SGSM3: variants seen among roughly 807,000 people sequenced by gnomAD.
The protein encoded by SGSM3 is small G protein signaling modulator 3.
A neutral mutation model predicts 100.5 loss-of-function variants in SGSM3; 96 were observed. The observed-to-expected ratio is 0.96, with a 90% CI of 0.81 to 1.13. SGSM3 has a LOEUF of 1.13. Ranked by LOEUF, SGSM3 falls within the 50% of genes most tolerant of loss-of-function variation. The pLI, the probability that SGSM3 is intolerant of heterozygous loss-of-function variation, is 0.00. For missense variants in SGSM3, 1,001 were observed against 1,015.8 expected, an observed-to-expected ratio of 0.99 and a Z score of 0.20; for synonymous variants, 483 against 422.8, an observed-to-expected ratio of 1.14 and a Z score of -1.75.
chr22:40,398,433 C>T lies in SGSM3; in HGVS notation c.-111-2263C>T, dbSNP rs1224473936. On this transcript the variant is annotated intron_variant, in intron 1 of 21. Coordinates refer to ENST00000248929, the MANE Select transcript of SGSM3 (RefSeq NM_015705.6). ...AAAGGGGAGGGACTCCTGAGTGGGC[C>T]TTCCCAGCCCCTTCAGGCCTCCACA... Among the ~76,000 whole-genome samples the T allele has an allele frequency of 2.1e-5, 3 of 141,312 alleles. 1 individual carries two copies. The highest frequency in any genetic ancestry group is 7.8e-5 in the African/African-American group (3 of 38,440). The allele number at this position is 141,312 out of a possible 152,430, so 92.7% of individuals were successfully genotyped here. A position where few individuals can be genotyped will look rare whatever the true frequency, so the allele number is the denominator to read the frequency against.
chr22:40,390,373 TCTC>T (rs1601904958), intron 1 of SGSM3: 2 of 152,200 alleles, frequency 1.3e-5, no homozygotes, highest in Non-Finnish European at 2.9e-5. Context: ...TTCTTCTCAC[TCTC>T]CTTTTTTTAC....
At position 40,406,630 on chromosome 22, in the gene SGSM3, C is replaced by T. The variant is rs1439428575; in HGVS notation, c.1153C>T (p.Leu385=). ...TCTCATTGCAGACCAGGGCCAGCTC[C>T]TGGGGGCCGGCACCCTCACCAACCT... ...AYLIADQGQL[L]GAGTLTNLSQ... The change falls in exon 10 of 22, where the codon CTG becomes TTG. Residue 385 remains leucine (L), a synonymous_variant. Transcript: ENST00000248929. 6.2e-7 allele frequency: 1 copy of T among 1,608,138 alleles called. No homozygotes were observed. Among genetic ancestry groups the T allele is most frequent in the Non-Finnish European group, 8.5e-7 (1 of 1,176,050 alleles).
chr22:40,401,575 G>A lies in SGSM3; in HGVS notation c.8-18G>A, dbSNP rs761672918. 1 of 1,601,372 alleles carries A rather than the reference G, an allele frequency of 6.2e-7. No individual in the cohort carries two copies. Among genetic ancestry groups the A allele is most frequent in the East Asian group, 2.2e-5 (1 of 44,608 alleles). On this transcript the variant is annotated intron_variant, in intron 2 of 21. Transcript: ENST00000248929. Reference sequence around the variant, plus strand: ...TCTGCATTTTCTTGATTGTTCTCCTGGTCCTCTTTGGTTTTAGGAAGCCAT... The same window carrying A: ...TCTGCATTTTCTTGATTGTTCTCCTAGTCCTCTTTGGTTTTAGGAAGCCAT...
rs148763027 is a variant in SGSM3, at chr22:40,409,684, G to A, written c.2175G>A (p.Ala725=). The A allele has an allele frequency of 4.3e-4, 686 of 1,613,254 alleles. 3 individuals carry two copies. Among genetic ancestry groups the A allele is most frequent in the South Asian group, 1.1e-3 (100 of 91,056 alleles). ...GTGAGGGGCTGCCCTGTTTGCAGGC[G>A]CAGCAGCCCCTGAAGGAGGGCGTCC... ...QDWELPAKRE[A]QQPLKEGVRD... is the part of the protein sequence containing the mutation. Residue 725 remains alanine, a splice_region_variant and synonymous_variant, in exon 22 of 22, where the codon GCG becomes GCA. Coordinates refer to ENST00000248929, the MANE Select transcript of SGSM3 (RefSeq NM_015705.6).
chr22:40,377,957 G>C (rs751402928), intron 1 of SGSM3, among the ~76,000 whole-genome samples: 1 of 152,014 alleles, frequency 6.6e-6, no homozygotes, highest in Non-Finnish European at 1.5e-5. Context: ...AGAATACAAA[G>C]TACCCCTAAA....
intron 1 of SGSM3, among the ~76,000 whole-genome samples, chr22:40,379,832 C>T (rs2047267050): frequency 6.6e-6 from 1 of 152,136 alleles, no homozygotes; most frequent in East Asian, 1.9e-4. Flanking sequence ...CCTCAGCTTC[C>T]TGAGTAATCT....
chr22:40,405,048 C>T (rs2051274680), intron 6 of SGSM3, 93 bp from the exon 7 acceptor site: 1 of 1,428,844 alleles, frequency 7.0e-7, no homozygotes, highest in Admixed American at 2.6e-5. Flanking sequence ...ACAAGGAATC[C>T]CCATTTCTGG....
chr22:40,400,156 C>A (rs1218140747), intron 1 of SGSM3, among the ~76,000 whole-genome samples: 1 of 152,192 alleles, frequency 6.6e-6, no homozygotes, highest in Non-Finnish European at 1.5e-5. Flanking sequence ...ACCAGGATAA[C>A]AACTGTCATT....
At chr22:40,405,988 T>TA in intron 8 of SGSM3, 90 bp from the exon 9 acceptor site, 2 of 1,526,662 alleles carry the variant, frequency 1.3e-6, no homozygotes, top group Non-Finnish European at 1.8e-6. Flanking sequence ...TCCCCTCCTT[T>TA]GCTCTTAAGC....
chr22:40,406,631 TG>T lies in SGSM3; in HGVS notation c.1159del (p.Ala387ProfsTer72). The T allele has an allele frequency of 1.2e-6, 2 of 1,607,492 alleles. No individual in the cohort carries two copies. Among genetic ancestry groups the T allele is most frequent in the Non-Finnish European group, 8.5e-7 (1 of 1,175,682 alleles). On this transcript the variant is annotated frameshift_variant, in exon 10 of 22. Transcript: ENST00000248929. LOFTEE classifies it high-confidence loss of function. ...CTCATTGCAGACCAGGGCCAGCTCC[TG>T]GGGGCCGGCACCCTCACCAACCTCT... is the stretch of plus-strand genomic sequence containing the variant. ...AYLIADQGQL[L>X]GAGTLTNLSQ...
chr22:40,392,654 T>C (rs1029199199), intron 1 of SGSM3, among the ~76,000 whole-genome samples: 1 of 152,218 alleles, frequency 6.6e-6, no homozygotes, highest in Non-Finnish European at 1.5e-5. Flanking sequence ...TTCTAATACT[T>C]AAACTGTAAT....
At chr22:40,391,539 A>T (rs770326437) in intron 1 of SGSM3, among the ~76,000 whole-genome samples, 1 of 152,188 alleles carries the variant, frequency 6.6e-6, no homozygotes, top group African/African-American at 2.4e-5. Context: ...TGAGCCTGGG[A>T]GTTCAAGGCT....
At chr22:40,403,534 G>C (rs2051026380) in intron 4 of SGSM3, among the ~76,000 whole-genome samples, 1 of 152,324 alleles carries the variant, frequency 6.6e-6, no homozygotes, top group South Asian at 2.1e-4. Context: ...TACTTCCAGG[G>C]ATAGAGAAGA....
chr22:40,404,624 TGAA>T lies in SGSM3; in HGVS notation c.438_440del (p.Lys146del), dbSNP rs1569204903. 1 of 1,613,538 alleles carries T rather than the reference TGAA, an allele frequency of 6.2e-7. No homozygotes were observed. The highest frequency in any genetic ancestry group is 1.7e-5 in the Admixed American group (1 of 59,988). ...TCTGAGCTGTCCTACCGCGAGATTGTGAAGAACAGCTCCAACGATGAGACCATC... is the reference window on the plus strand; with the variant it reads ...TCTGAGCTGTCCTACCGCGAGATTGTGAACAGCTCCAACGATGAGACCATC... On this transcript the variant is annotated inframe_deletion, in exon 6 of 22. Transcript: ENST00000248929.
rs771198035 is a variant in SGSM3 at position 40,408,308 on chromosome 22, AG to A, written c.1666del (p.Val556SerfsTer21). The A allele has an allele frequency of 6.2e-7, 1 of 1,613,296 alleles. No individual in the cohort carries two copies. Among genetic ancestry groups the A allele is most frequent in the Non-Finnish European group, 8.5e-7 (1 of 1,179,968 alleles). On this transcript the variant is annotated frameshift_variant, in exon 16 of 22. Transcript: ENST00000248929. LOFTEE classifies it high-confidence loss of function. ...ATCGCGGGGGATGACTCGGTGACGG[AG>A]GGGGTCACAGACCTCGTGCGAGGGA... ...YSIAGDDSVT[E>X]GVTDLVRGTL...
chr22:40,376,229 G>A (rs559582568), intron 1 of SGSM3: 5 of 120,904 alleles, frequency 4.1e-5, no homozygotes, highest in South Asian at 2.9e-4. Flanking sequence ...GAAACAGTAC[G>A]GTAGTCGGAG....
chr22:40,406,762 C>T (rs2051598756), intron 10 of SGSM3, 100 bp downstream of exon 10: 4 of 1,057,650 alleles, frequency 3.8e-6, no homozygotes, highest in South Asian at 1.4e-5. Flanking sequence ...CAAACCAGCC[C>T]TTCCTGCTCT....
chr22:40,398,535 C>T (rs1164888971), intron 1 of SGSM3, among the ~76,000 whole-genome samples: 1 of 141,512 alleles, frequency 7.1e-6, no homozygotes, highest in Non-Finnish European at 1.5e-5. Context: ...CTTTCAGAAC[C>T]ACCAACCAAA....
At chr22:40,393,769 G>A (rs1375738931) in intron 1 of SGSM3, among the ~76,000 whole-genome samples, 1 of 152,220 alleles carries the variant, frequency 6.6e-6, no homozygotes, top group African/African-American at 2.4e-5. Flanking sequence ...TAATATGGCA[G>A]AAGGGCAAGA....
Sources: gnomAD v4.1 joint callset for allele counts (sites outside exome capture counted in the v4.1 genomes callset) on GRCh38, gnomAD v4.1.1 for gene constraint, MANE v1.5 for transcripts, NCBI Gene and HGNC (gene_info 2026-07-23, HGNC 2026-07-21) for gene names.